Variants in SYNDIG1L observed in about 807,000 individuals in gnomAD.
The protein encoded by SYNDIG1L is synapse differentiation inducing 1 like, also known as synapse differentiation-inducing gene protein 1-like.
A neutral mutation model predicts 20.1 loss-of-function variants in SYNDIG1L; 13 were observed. The ratio of observed to expected loss-of-function variants is 0.65; its 90% CI spans 0.42 to 1.03. SYNDIG1L has a LOEUF of 1.03. SYNDIG1L is among the 50% of genes least tolerant of loss of function. The pLI, the probability that SYNDIG1L is intolerant of heterozygous loss-of-function variation, is 0.00. For missense variants in SYNDIG1L, 294 were observed against 305.1 expected, an observed-to-expected ratio of 0.96 and a Z score of 0.27; for synonymous variants, 128 against 129.3, an observed-to-expected ratio of 0.99 and a Z score of 0.07.
At chr14:74,416,652 A>ACC (rs1566583624) in intron 1 of SYNDIG1L, among the ~76,000 whole-genome samples, 4 of 149,242 alleles carry the variant, frequency 2.7e-5, no homozygotes, top group Non-Finnish European at 6.0e-5. Flanking sequence ...AAACAAACCA[A>ACC]ACAAACAAAC....
At chr14:74,442,744 A>C in the SYNDIG1L span, among the ~76,000 whole-genome samples, 1 of 152,248 alleles carries the variant, frequency 6.6e-6, no homozygotes, top group Non-Finnish European at 1.5e-5. Context: ...AGAATGGATT[A>C]GGAATGGAGG....
the SYNDIG1L span, among the ~76,000 whole-genome samples, chr14:74,466,528 G>A: frequency 1.3e-5 from 2 of 152,122 alleles, no homozygotes; most frequent in South Asian, 2.1e-4. Context: ...AAGAGGGGAC[G>A]AGATAAGTGG....
At chr14:74,462,529 G>C in the SYNDIG1L span, among the ~76,000 whole-genome samples, 1 of 151,332 alleles carries the variant, frequency 6.6e-6, no homozygotes, top group African/African-American at 2.4e-5. Context: ...AGTTTGGTAG[G>C]TTAGGTGTGT....
intron 2 of SYNDIG1L, among the ~76,000 whole-genome samples, chr14:74,408,354 AGGAG>A (rs2086101711): frequency 6.6e-6 from 1 of 152,140 alleles, no homozygotes; most frequent in Admixed American, 6.5e-5. Flanking sequence ...ACCTGAGGTC[AGGAG>A]TTCGAGGCCA....
intron 1 of SYNDIG1L, among the ~76,000 whole-genome samples, chr14:74,425,087 T>C (rs746485739): frequency 2.0e-5 from 3 of 152,156 alleles, no homozygotes; most frequent in Admixed American, 6.5e-5. Flanking sequence ...CCACGCAGTT[T>C]TATTTTGATC....
Position 74,406,345 on chromosome 14 carries a change from AC to A in SYNDIG1L, c.*1189del. On this transcript the variant is annotated 3_prime_UTR_variant, in exon 4 of 4. Coordinates refer to ENST00000331628, the MANE Select transcript of SYNDIG1L (RefSeq NM_001105579.2). Reference sequence around the variant, plus strand: ...TGACGTTCCTCCTTGAGTTGGCAGAACCCTTAGGAATGGCTGTAGTTTGGCT... The same window carrying A: ...TGACGTTCCTCCTTGAGTTGGCAGAACCTTAGGAATGGCTGTAGTTTGGCT... 2.9e-6 allele frequency: 1 copy of A among 344,154 alleles called. No individual in the cohort carries two copies. The highest frequency in any genetic ancestry group is 5.2e-6 in the Non-Finnish European group (1 of 191,764). The allele number at this position is 344,154 out of a possible 1,614,324, so 21.3% of individuals were successfully genotyped here. A position where few individuals can be genotyped will look rare whatever the true frequency, so the allele number is the denominator to read the frequency against.
the SYNDIG1L span, among the ~76,000 whole-genome samples, chr14:74,439,931 G>A: frequency 1.3e-5 from 2 of 151,680 alleles, no homozygotes; most frequent in African/African-American, 4.9e-5. Flanking sequence ...AAGTGGAGAA[G>A]TCAATGGTAT....
chr14:74,431,313 C>A, the SYNDIG1L span, among the ~76,000 whole-genome samples: 25 of 152,178 alleles, frequency 1.6e-4, no homozygotes, highest in African/African-American at 5.6e-4. Context: ...GTGAGCCTTT[C>A]TCCCTCTGTG....
chr14:74,417,024 C>T (rs1418685501), intron 1 of SYNDIG1L, among the ~76,000 whole-genome samples: 5 of 152,168 alleles, frequency 3.3e-5, no homozygotes, highest in African/African-American at 7.2e-5. Flanking sequence ...GTATCAGCTA[C>T]CATTATTGGG....
rs554821036 is a variant in SYNDIG1L at position 74,418,345 on chromosome 14, T to G, written c.-58+7567A>C. ...AGTCAAAGAAAATGGGGAACTGAGCTTTCTTTGTCTCAGTTTGCCTTCTCA... is the reference window on the plus strand; with the variant it reads ...AGTCAAAGAAAATGGGGAACTGAGCGTTCTTTGTCTCAGTTTGCCTTCTCA... On this transcript the variant is annotated intron_variant, in intron 1 of 3. Coordinates refer to ENST00000331628, the MANE Select transcript of SYNDIG1L (RefSeq NM_001105579.2). Among the ~76,000 whole-genome samples the G allele has an allele frequency of 5.3e-5, 8 of 152,308 alleles. No homozygotes were observed. The South Asian group carries it at 1.7e-3, about 32-fold the overall frequency.
the SYNDIG1L span, among the ~76,000 whole-genome samples, chr14:74,460,397 C>G: frequency 6.6e-6 from 1 of 152,198 alleles, no homozygotes; most frequent in Non-Finnish European, 1.5e-5. Flanking sequence ...GGTCACTCTA[C>G]TGTAGGCCCC....
chr14:74,463,398 G>A, the SYNDIG1L span, among the ~76,000 whole-genome samples: 1 of 152,102 alleles, frequency 6.6e-6, no homozygotes, highest in Non-Finnish European at 1.5e-5. Flanking sequence ...TTTGCCTATG[G>A]TGGATGAGGC....
the SYNDIG1L span, among the ~76,000 whole-genome samples, chr14:74,453,712 G>A: frequency 6.6e-6 from 1 of 152,110 alleles, no homozygotes; most frequent in East Asian, 1.9e-4. Flanking sequence ...TAGAACTTTG[G>A]GAAGCCAAGG....
chr14:74,448,994 G>A, the SYNDIG1L span, among the ~76,000 whole-genome samples: 2 of 152,086 alleles, frequency 1.3e-5, no homozygotes, highest in Non-Finnish European at 2.9e-5. Context: ...CACTTTCGGA[G>A]GCTGAGACAG....
At chr14:74,424,534 C>T (rs1056111081) in intron 1 of SYNDIG1L, among the ~76,000 whole-genome samples, 3 of 152,156 alleles carry the variant, frequency 2.0e-5, no homozygotes, top group East Asian at 1.9e-4. Flanking sequence ...AAATAAAAAC[C>T]GGTGAGTCAG....
the SYNDIG1L span, among the ~76,000 whole-genome samples, chr14:74,463,906 G>C: frequency 5.9e-5 from 9 of 152,180 alleles, no homozygotes; most frequent in African/African-American, 2.2e-4. Context: ...CATCTGAGAT[G>C]ATTGTTGGGT....
rs532510434 is a variant in SYNDIG1L at position 74,406,429 on chromosome 14, C to G, written c.*1106G>C. ...GCCTGGAAGCTTCCCATGGAAGGTT[C>G]CTGCCACATCCCTGCCTACAAATAC... On this transcript the variant is annotated 3_prime_UTR_variant, in exon 4 of 4. Transcript: ENST00000331628. 1 of 220,920 alleles carries G rather than the reference C, an allele frequency of 4.5e-6. No homozygotes were observed. Among genetic ancestry groups the G allele is most frequent in the Non-Finnish European group, 8.8e-6 (1 of 113,566 alleles). The allele number at this position is 220,920 out of a possible 1,614,324, so 13.7% of individuals were successfully genotyped here. A position where few individuals can be genotyped will look rare whatever the true frequency, so the allele number is the denominator to read the frequency against.
At chr14:74,426,581 CAG>C (rs2086268412), upstream of SYNDIG1L, among the ~76,000 whole-genome samples, 1 of 152,206 alleles carries the variant, frequency 6.6e-6, no homozygotes, top group Non-Finnish European at 1.5e-5. Context: ...GAAAAACAAA[CAG>C]AAAGCATTTA....
At chr14:74,441,738 T>A in the SYNDIG1L span, among the ~76,000 whole-genome samples, 2 of 152,130 alleles carry the variant, frequency 1.3e-5, no homozygotes, top group African/African-American at 4.8e-5. Flanking sequence ...GTCTTGAACT[T>A]CTGGCCTTAA....
Sources: allele counts gnomAD v4.1 joint callset (sites outside exome capture counted in the v4.1 genomes callset), GRCh38; gene constraint gnomAD v4.1.1; transcripts MANE v1.5; gene names NCBI Gene and HGNC (gene_info 2026-07-23, HGNC 2026-07-21).